Variants in PFKFB3 observed in about 807,000 individuals in gnomAD.
The protein encoded by PFKFB3 is 6-phosphofructo-2-kinase/fructose-2,6-biphosphatase 3.
In PFKFB3, 33 loss-of-function variants were observed where a neutral mutation model predicts 68.0. The ratio of observed to expected loss-of-function variants is 0.49; its 90% CI spans 0.37 to 0.65. The LOEUF (loss-of-function observed/expected upper bound fraction) is 0.65, where lower values mean the gene tolerates loss of function less well. Among genes scored for constraint, PFKFB3 ranks in the 30% least tolerant of loss-of-function variants. The pLI, the probability that PFKFB3 is intolerant of heterozygous loss-of-function variation, is 0.00. For synonymous variants in PFKFB3, 315 were observed against 288.2 expected, an observed-to-expected ratio of 1.09 and a Z score of -0.94; for missense variants, 586 against 712.2, an observed-to-expected ratio of 0.82 and a Z score of 2.02.
rs142925886 is a variant in PFKFB3, at chr10:6,177,476, C to T, written c.16+32463C>T. 1.4e-3 allele frequency among the ~76,000 whole-genome samples: 170 copies of T among 118,958 alleles called. 6 individuals carry two copies. The East Asian group carries it at 0.017, about 12-fold the overall frequency. 78.0% of individuals were successfully genotyped at this position (118,958 alleles called of 152,430 possible). On this transcript the variant is annotated intron_variant, in intron 1 of 14. Transcript: ENST00000379789. ...TCTTTCTTTCTTTCTTTCTTTCTTT[C>T]TTTCTTTCTTTTTCTTTTCTTTCTC...
intron 14 of PFKFB3, among the ~76,000 whole-genome samples, chr10:6,240,846 T>C (rs1201169625): frequency 6.6e-6 from 1 of 152,148 alleles, no homozygotes; most frequent in East Asian, 1.9e-4. Context: ...TCTCACTCTT[T>C]CCTTTTTATT....
chr10:6,233,267 G>T lies in PFKFB3; in HGVS notation c.*325G>T, dbSNP rs1394731558. ...TGAGTGCTGGTCCTGACAGGAGGCC[G>T]CTGGGGACACTGTGCTGTTTTGTTT... On this transcript the variant is annotated 3_prime_UTR_variant, in exon 15 of 15. Transcript: ENST00000379775. The T allele has an allele frequency of 3.5e-6, 1 of 282,274 alleles. No individual in the cohort carries two copies. Among genetic ancestry groups the T allele is most frequent in the East Asian group, 6.5e-5 (1 of 15,464 alleles). The allele number at this position is 282,274 out of a possible 1,614,324, so 17.5% of individuals were successfully genotyped here.
In PFKFB3 at chr10:6,171,400, CT is replaced by C. The variant is rs76434176; in HGVS notation, c.16+26401del. On this transcript the variant is annotated intron_variant, in intron 1 of 14. Transcript: ENST00000379789. ...CATCTTTTAAAATTGTTCTTTCTTTCTTTTTTTTTTTTTTGGAGACTGTCTC... is the reference window on the plus strand; with the variant it reads ...CATCTTTTAAAATTGTTCTTTCTTTCTTTTTTTTTTTTTGGAGACTGTCTC... Among the ~76,000 whole-genome samples the C allele has an allele frequency of 2.4e-3, 341 of 141,492 alleles. 1 individual carries two copies. The highest frequency in any genetic ancestry group is 4.3e-3 in the East Asian group (21 of 4,868). The allele number at this position is 141,492 out of a possible 152,430, so 92.8% of individuals were successfully genotyped here.
Position 6,220,583 on chromosome 10 carries a change from C to A in PFKFB3, c.624-75C>A. 1 of 1,370,498 alleles carries A rather than the reference C, an allele frequency of 7.3e-7. No homozygotes were observed. Among genetic ancestry groups the A allele is most frequent in the Non-Finnish European group, 1.0e-6 (1 of 966,492 alleles). 84.9% of individuals were successfully genotyped at this position (1,370,498 alleles called of 1,614,324 possible). On this transcript the variant is annotated intron_variant, in intron 7 of 14. Coordinates refer to ENST00000379775, the MANE Select transcript of PFKFB3 (RefSeq NM_004566.4). This position sits in a 1 kb window ranked among gnomAD's most constrained non-coding sequence, Gnocchi z 4.1. ...CCTTGCTGTTCTCTGGGGATCACAT[C>A]TTCGGAGACGGGCCAGGTGCATCCT...
intron 9 of PFKFB3, 42 bp downstream of exon 9, chr10:6,221,569 TG>T (rs1286383929): frequency 2.5e-6 from 4 of 1,612,022 alleles, no homozygotes; most frequent in Non-Finnish European, 3.4e-6. Flanking sequence ...CCCTCGGGCA[TG>T]GGGCGGCTTC....
At chr10:6,253,737 A>G (rs1248241670) in intron 14 of PFKFB3, among the ~76,000 whole-genome samples, 2 of 152,064 alleles carry the variant, frequency 1.3e-5, no homozygotes, top group Admixed American at 6.6e-5. Context: ...GAGAAAGCAT[A>G]GTCTTCAGGA....
chr10:6,272,926 A>G, the PFKFB3 span, among the ~76,000 whole-genome samples: 41 of 152,152 alleles, frequency 2.7e-4, 1 homozygote, highest in Admixed American at 7.9e-4. Flanking sequence ...AGGAAAATAA[A>G]GGAAAAGAAA....
At chr10:6,166,233 C>T (rs1292078764) in intron 1 of PFKFB3, among the ~76,000 whole-genome samples, 2 of 151,988 alleles carry the variant, frequency 1.3e-5, no homozygotes, top group Non-Finnish European at 1.5e-5. Context: ...CCGCCCGCCT[C>T]GGTCTCCCAG....
chr10:6,319,604 C>T, the PFKFB3 span, among the ~76,000 whole-genome samples: 2 of 151,434 alleles, frequency 1.3e-5, no homozygotes, highest in African/African-American at 4.9e-5. Context: ...ACCACTATGT[C>T]AAATATCCAT....
chr10:6,212,052 G>A (rs959284442), intron 1 of PFKFB3, among the ~76,000 whole-genome samples: 1 of 152,246 alleles, frequency 6.6e-6, no homozygotes, highest in Non-Finnish European at 1.5e-5. Context: ...GGACATCAGG[G>A]CCTCTGTCCA....
In PFKFB3 at chr10:6,220,748, C is replaced by T. The variant is rs1477876492; in HGVS notation, c.714C>T (p.Tyr238=). ...ACATCCAGAGCCGCATCGTGTACTA[C>T]CTGATGAACATCCACGTGCAGCCGC... The part of the protein sequence containing the change: ...QDHIQSRIVY[Y]LMNIHVQPRT... The change falls in exon 8 of 15, where the codon TAC becomes TAT. Residue 238 remains tyrosine, a synonymous_variant. Coordinates refer to ENST00000379775, the MANE Select transcript of PFKFB3 (RefSeq NM_004566.4). This position sits in a 1 kb window ranked among gnomAD's most constrained non-coding sequence, Gnocchi z 4.1. 1.2e-6 allele frequency: 2 copies of T among 1,614,110 alleles called. No individual in the cohort carries two copies. The highest frequency in any genetic ancestry group is 1.1e-5 in the South Asian group (1 of 91,076).
At chr10:6,191,743 A>T (rs1843028139) in intron 1 of PFKFB3, among the ~76,000 whole-genome samples, 1 of 152,180 alleles carries the variant, frequency 6.6e-6, no homozygotes, top group Non-Finnish European at 1.5e-5. Context: ...CAGAGAAGGC[A>T]TCTCTTTCTA....
the PFKFB3 span, among the ~76,000 whole-genome samples, chr10:6,289,828 A>T: frequency 2.0e-5 from 3 of 151,830 alleles, no homozygotes; most frequent in Admixed American, 6.6e-5. Flanking sequence ...GATTCTTCCT[A>T]CCCATGAGCA....
chr10:6,179,259 A>G (rs759931582), intron 1 of PFKFB3, among the ~76,000 whole-genome samples: 1 of 152,204 alleles, frequency 6.6e-6, no homozygotes, highest in Non-Finnish European at 1.5e-5. Context: ...TGGAATTTGA[A>G]CCTGGCAGTC....
chr10:6,305,275 C>T, the PFKFB3 span, among the ~76,000 whole-genome samples: 21 of 109,412 alleles, frequency 1.9e-4, no homozygotes, highest in African/African-American at 3.5e-4. Context: ...CCTCCTGCCT[C>T]GGCCTTGCAA....
chr10:6,145,753 C>T (rs1294282716), intron 1 of PFKFB3, among the ~76,000 whole-genome samples: 2 of 152,156 alleles, frequency 1.3e-5, no homozygotes, highest in African/African-American at 4.8e-5. Context: ...AAACTCAGGC[C>T]CGCTGATGAG....
the PFKFB3 span, among the ~76,000 whole-genome samples, chr10:6,283,715 G>C: frequency 1.3e-5 from 2 of 152,222 alleles, no homozygotes; most frequent in Non-Finnish European, 2.9e-5. Context: ...TGGACCCCCA[G>C]ATTGAAGTTC....
upstream of PFKFB3, among the ~76,000 whole-genome samples, chr10:6,201,473 G>A (rs1176294250): frequency 6.8e-6 from 1 of 146,524 alleles, no homozygotes; most frequent in Non-Finnish European, 1.5e-5. The surrounding 1 kb of genome is among the most constrained non-coding windows in gnomAD (Gnocchi z 4.1). Context: ...GGGTCGAGGC[G>A]TGGGGGAGGG....
At chr10:6,312,863 G>C in the PFKFB3 span, among the ~76,000 whole-genome samples, 1 of 152,186 alleles carries the variant, frequency 6.6e-6, no homozygotes, top group African/African-American at 2.4e-5. Context: ...CACATAGTGA[G>C]AGCTGCATAC....
Sources: allele counts gnomAD v4.1 joint callset (sites outside exome capture counted in the v4.1 genomes callset), GRCh38; gene constraint gnomAD v4.1.1; non-coding constraint Gnocchi (gnomAD v3.1); transcripts MANE v1.5; gene names NCBI Gene and HGNC (gene_info 2026-07-23, HGNC 2026-07-21).